The following SLC24A4 variants were observed in gnomAD, a reference collection of about 807,000 sequenced individuals.
SLC24A4 encodes sodium/potassium/calcium exchanger 4.
In SLC24A4, 53 loss-of-function variants were observed where a neutral mutation model predicts 79.0. That is an observed-to-expected ratio of 0.67 (90% CI 0.54 to 0.84). The LOEUF (loss-of-function observed/expected upper bound fraction) is 0.84. SLC24A4 is among the 40% of genes least tolerant of loss of function. The pLI is 0.00. For synonymous variants in SLC24A4, 323 were observed against 323.8 expected, an observed-to-expected ratio of 1.00 and a Z score of 0.03; for missense variants, 731 against 822.0, an observed-to-expected ratio of 0.89 and a Z score of 1.35.
In SLC24A4 at chr14:92,419,426, C is replaced by T. The variant is rs1441700589; in HGVS notation, c.242-14486C>T. The stretch of plus-strand genomic sequence containing the variant: ...AGCTACCTTCCCGCAGATGTTCTCT[C>T]ATTGAACTTGAGGCTGTCTAGAATG... On this transcript the variant is annotated intron_variant, in intron 2 of 16. Transcript: ENST00000532405. 2.0e-5 allele frequency among the ~76,000 whole-genome samples: 3 copies of T among 152,208 alleles called. No homozygotes were observed. The East Asian group carries it at 5.8e-4, about 29-fold the overall frequency.
At chr14:92,400,740 A>G (rs1890075443) in intron 2 of SLC24A4, among the ~76,000 whole-genome samples, 1 of 152,204 alleles carries the variant, frequency 6.6e-6, no homozygotes, top group Non-Finnish European at 1.5e-5. Flanking sequence ...TCCCTCTGAC[A>G]GGTCTGAAAC....
intron 2 of SLC24A4, among the ~76,000 whole-genome samples, chr14:92,334,895 A>T (rs557874051): frequency 1.3e-5 from 2 of 151,952 alleles, no homozygotes; most frequent in East Asian, 1.9e-4. Flanking sequence ...CATCGTCATC[A>T]TCATCATCAT....
upstream of SLC24A4, among the ~76,000 whole-genome samples, chr14:92,322,946 A>AG (rs755278429): frequency 8.5e-5 from 13 of 152,270 alleles, no homozygotes; most frequent in East Asian, 1.9e-3. Context: ...GGGTAAAGGA[A>AG]GGGCTCGTTG....
At chr14:92,343,700 C>CCTTCCTTCCTTCCTTT (rs1566700413) in intron 2 of SLC24A4, among the ~76,000 whole-genome samples, 3 of 130,802 alleles carry the variant, frequency 2.3e-5, no homozygotes, top group East Asian at 2.1e-4. Context: ...TTCCTTCCTT[C>CCTTCCTTCCTTCCTTT]CTTTCTTTCT....
At position 92,418,997 on chromosome 14, in the gene SLC24A4, C is replaced by T. The variant is rs193235916; in HGVS notation, c.242-14915C>T. Among the ~76,000 whole-genome samples, 429 of 152,266 alleles carry T rather than the reference C, an allele frequency of 2.8e-3. 1 individual carries two copies. Among genetic ancestry groups the T allele is most frequent in the African/African-American group, 9.4e-3 (390 of 41,556 alleles). ...GATTACAGGCATGAGCCACCGCACC[C>T]GGCCAATTTTTGTGTTCTTTAGGCC... On this transcript the variant is annotated intron_variant, in intron 2 of 16. Coordinates refer to ENST00000532405, the MANE Select transcript of SLC24A4 (RefSeq NM_153646.4).
At position 92,484,602 on chromosome 14, in the gene SLC24A4, C is replaced by A. The variant is rs535630272; in HGVS notation, c.1422+1756C>A. 118 of 985,378 alleles carry A rather than the reference C, an allele frequency of 1.2e-4. 1 individual carries two copies. In the African/African-American group the frequency reaches 2.0e-3, roughly 16 times the overall value. The allele number at this position is 985,378 out of a possible 1,614,324, so 61.0% of individuals were successfully genotyped here. On this transcript the variant is annotated intron_variant, in intron 13 of 16. Coordinates refer to ENST00000532405, the MANE Select transcript of SLC24A4 (RefSeq NM_153646.4). ...TCAGGAGAGGCAGAACCACTCCAAG[C>A]CTCCAGGACCCCAGCATCTGCCCCA...
chr14:92,416,076 C>T (rs543791042), intron 2 of SLC24A4, among the ~76,000 whole-genome samples: 6 of 152,064 alleles, frequency 3.9e-5, no homozygotes, highest in Non-Finnish European at 8.8e-5. Context: ...TAGAGACATC[C>T]CCACCACCCA....
chr14:92,469,340 C>G (rs1003038010), intron 12 of SLC24A4, among the ~76,000 whole-genome samples: 1 of 152,072 alleles, frequency 6.6e-6, no homozygotes, highest in African/African-American at 2.4e-5. Flanking sequence ...AACCCTGTCT[C>G]AACTAAAAAT....
chr14:92,430,749 G>T (rs946243129), intron 2 of SLC24A4, among the ~76,000 whole-genome samples: 1 of 152,180 alleles, frequency 6.6e-6, no homozygotes, highest in Non-Finnish European at 1.5e-5. Context: ...CAGGGGTGGG[G>T]GCTGGGATCA....
At chr14:92,365,950 C>T (rs1887812662) in intron 2 of SLC24A4, among the ~76,000 whole-genome samples, 1 of 152,212 alleles carries the variant, frequency 6.6e-6, no homozygotes, top group South Asian at 2.1e-4. Flanking sequence ...CTGCCATATT[C>T]CAGGTGATGA....
At chr14:92,327,091 G>T (rs950903031) in intron 2 of SLC24A4, among the ~76,000 whole-genome samples, 1 of 152,236 alleles carries the variant, frequency 6.6e-6, no homozygotes, top group Non-Finnish European at 1.5e-5. Context: ...CACAGAACTC[G>T]TAAGTGGTGA....
intron 2 of SLC24A4, among the ~76,000 whole-genome samples, chr14:92,364,322 C>T (rs1887701628): frequency 6.6e-6 from 1 of 152,164 alleles, no homozygotes; most frequent in African/African-American, 2.4e-5. Flanking sequence ...GACCCCCATC[C>T]TCTCTGCTAG....
chr14:92,342,363 C>CATTAATTAATTAATTT lies in SLC24A4; in HGVS notation c.241+16388_241+16389insAATTAATTAATTTATT, dbSNP rs377654077. Among the ~76,000 whole-genome samples the CATTAATTAATTAATTT allele has an allele frequency of 2.7e-3, 376 of 137,924 alleles. 1 individual carries two copies. Among genetic ancestry groups the CATTAATTAATTAATTT allele is most frequent in the South Asian group, 4.1e-3 (17 of 4,160 alleles). 90.5% of individuals were successfully genotyped at this position (137,924 alleles called of 152,430 possible). On this transcript the variant is annotated intron_variant, in intron 2 of 16. Transcript: ENST00000532405. ...GCTCCCAGATTCTTCTTTTTTTCCCCATTTATTTATTTATTTATTTATTTA... is the reference window on the plus strand; with the variant it reads ...GCTCCCAGATTCTTCTTTTTTTCCCCATTAATTAATTAATTTATTTATTTATTTATTTATTTATTTA...
rs566021180 is a variant in SLC24A4, at chr14:92,474,381, C to T, written c.1256-8299C>T. ...CAAGAATCCAGCAGGCCCCTGCCTG[C>T]GAGGGGCTTCCAGTCTAGCTTCAGA... On this transcript the variant is annotated intron_variant, in intron 12 of 16. Coordinates refer to ENST00000532405, the MANE Select transcript of SLC24A4 (RefSeq NM_153646.4). Among the ~76,000 whole-genome samples the T allele has an allele frequency of 6.6e-5, 10 of 152,250 alleles. No individual in the cohort carries two copies. The East Asian group carries it at 9.7e-4, about 15-fold the overall frequency.
In SLC24A4 at chr14:92,499,548, G is replaced by A. The variant is rs1481141082; in HGVS notation, c.*5920G>A. ...TTTTTTTTTTTCTTTTTGAGAAAGGGCCTCACTCTGTTGCCCAGGCTGGAG... is the reference window on the plus strand; with the variant it reads ...TTTTTTTTTTTCTTTTTGAGAAAGGACCTCACTCTGTTGCCCAGGCTGGAG... On this transcript the variant is annotated 3_prime_UTR_variant, in exon 17 of 17. Transcript: ENST00000532405. 6.6e-6 allele frequency: 1 copy of A among 151,986 alleles called. No individual in the cohort carries two copies. Among genetic ancestry groups the A allele is most frequent in the Non-Finnish European group, 1.5e-5 (1 of 68,036 alleles). The allele number at this position is 151,986 out of a possible 1,614,324, so 9.4% of individuals were successfully genotyped here.
In SLC24A4 at chr14:92,385,280, G is replaced by A. The variant is rs111894743; in HGVS notation, c.242-48632G>A. 4.2e-3 allele frequency among the ~76,000 whole-genome samples: 645 copies of A among 152,270 alleles called. 4 individuals carry two copies. The highest frequency in any genetic ancestry group is 7.5e-3 in the Non-Finnish European group (508 of 68,012). On this transcript the variant is annotated intron_variant, in intron 2 of 16. Transcript: ENST00000532405. ...CCAGCACTTCGGGAGGCTGAGGTGGGCGGATCACGAGGCCAGGAGATCGAT... is the reference window on the plus strand; with the variant it reads ...CCAGCACTTCGGGAGGCTGAGGTGGACGGATCACGAGGCCAGGAGATCGAT...
At chr14:92,493,360 T>C in intron 16 of SLC24A4, 116 bp from the exon 17 acceptor site, 1 of 1,278,076 alleles carries the variant, frequency 7.8e-7, no homozygotes. Flanking sequence ...CCCGCTACAC[T>C]TGCCCACATT....
chr14:92,458,615 C>T (rs1000498734), intron 12 of SLC24A4, among the ~76,000 whole-genome samples: 13 of 152,172 alleles, frequency 8.5e-5, no homozygotes, highest in African/African-American at 2.9e-4. Flanking sequence ...CATGGCAGGG[C>T]GCTGGGAGGG....
In SLC24A4 at chr14:92,492,240, C is replaced by T. The variant is rs139434074; in HGVS notation, c.1716C>T (p.Thr572=). The change falls in exon 16 of 17, where the codon ACC becomes ACT. Residue 572 remains threonine (T), a splice_region_variant and synonymous_variant. Coordinates refer to ENST00000532405, the MANE Select transcript of SLC24A4 (RefSeq NM_153646.4). ...TGTTGCTGGGCTCTGTCGCTCTCAC[C>T]GTGAGTCTTTACAATTCCAAAACAG... ...VVLLLGSVAL[T]VLGIHLNKWR... 185 of 1,613,940 alleles carry T rather than the reference C, an allele frequency of 1.1e-4. No homozygotes were observed. The African/African-American group carries it at 2.1e-3, about 18-fold the overall frequency.
Sources: allele counts gnomAD v4.1 joint callset (sites outside exome capture counted in the v4.1 genomes callset), GRCh38; gene constraint gnomAD v4.1.1; transcripts MANE v1.5; gene names NCBI Gene and HGNC (gene_info 2026-07-23, HGNC 2026-07-21).